LAMB1: variants seen among roughly 807,000 people sequenced by gnomAD.
LAMB1 encodes the protein laminin subunit beta-1.
Under a neutral mutation model 222.3 loss-of-function variants are expected in LAMB1, and 121 were observed. That is an observed-to-expected ratio of 0.54 (90% CI 0.47 to 0.63). The LOEUF (loss-of-function observed/expected upper bound fraction) is 0.63, where lower values mean the gene tolerates loss of function less well. Ranked by LOEUF, LAMB1 falls within the 30% of genes least tolerant of loss-of-function variation. The pLI is 0.00. For missense variants in LAMB1, 2,172 were observed against 2,240.8 expected (o/e 0.97, Z 0.62); for synonymous variants, 794 against 807.2 (o/e 0.98, Z 0.28).
chr7:107,991,784 C>T (rs1179870212), intron 5 of LAMB1, among the ~76,000 whole-genome samples: 2 of 149,890 alleles, frequency 1.3e-5, no homozygotes, highest in Non-Finnish European at 3.0e-5. Flanking sequence ...GGCACATGCC[C>T]GTAATCCTAG....
intron 13 of LAMB1, among the ~76,000 whole-genome samples, chr7:107,971,626 G>A (rs1253733672): frequency 6.6e-6 from 1 of 152,186 alleles, no homozygotes; most frequent in Non-Finnish European, 1.5e-5. Context: ...AATCATGCTA[G>A]AAAGATCAGA....
In LAMB1 at chr7:107,940,011, C is replaced by T; in HGVS notation, c.3739G>A (p.Gly1247Arg). ...TACTCTGCTTCCTCAAAGAGATTCC[C>T]AATGTTTTTCAGTGGCTCTGCTGCG... is the stretch of plus-strand genomic sequence containing the variant. ...SPAAEPLKNI[G>R]NLFEEAEKLI... is the part of the protein sequence containing the mutation. The change falls in exon 25 of 34, where the codon GGG (glycine) becomes AGG (arginine). Residue 1247 changes from glycine to arginine, a missense_variant. Coordinates refer to ENST00000222399, the MANE Select transcript of LAMB1 (RefSeq NM_002291.3). 1 of 1,613,890 alleles carries T rather than the reference C, an allele frequency of 6.2e-7. No individual in the cohort carries two copies. Among genetic ancestry groups the T allele is most frequent in the Non-Finnish European group, 8.5e-7 (1 of 1,179,890 alleles).
chr7:107,957,916 T>C (rs2033411556), intron 20 of LAMB1, among the ~76,000 whole-genome samples: 1 of 152,174 alleles, frequency 6.6e-6, no homozygotes, highest in South Asian at 2.1e-4. Flanking sequence ...CCCTTTCTCA[T>C]TCTCAAAACC....
intron 2 of LAMB1, 125 bp downstream of exon 2, chr7:108,002,724 C>G: frequency 7.6e-7 from 1 of 1,317,154 alleles, no homozygotes; most frequent in Admixed American, 2.1e-5. Context: ...ATCCCAGGGG[C>G]GTCATTTCCA....
In LAMB1 at chr7:107,929,465, A is replaced by T. The variant is rs1164550200; in HGVS notation, c.4692T>A (p.Ser1564Arg). The T allele has an allele frequency of 6.2e-7, 1 of 1,614,140 alleles. No homozygotes were observed. The change falls in exon 30 of 34, where the codon AGT becomes AGA. Residue 1564 changes from serine to arginine, a missense_variant. Ser to Arg is a moderately radical substitution (Grantham distance 110). Transcript: ENST00000222399. ...LSQVEVILQH[S>R]AADIARAEML... ...TCTCAGCTCTGGCAATGTCAGCAGC[A>T]CTATGCTGAAGAATAACCTCTACTT...
chr7:107,934,145 T>C (rs1017932570), intron 27 of LAMB1, among the ~76,000 whole-genome samples: 2 of 152,220 alleles, frequency 1.3e-5, no homozygotes, highest in Non-Finnish European at 2.9e-5. Flanking sequence ...CTTTTATTTT[T>C]CCATTTAATA....
At chr7:107,950,548 CTTTT>C (rs1211090558) in intron 24 of LAMB1, among the ~76,000 whole-genome samples, 1 of 152,134 alleles carries the variant, frequency 6.6e-6, no homozygotes, top group Non-Finnish European at 1.5e-5. Flanking sequence ...TCATTTCCAT[CTTTT>C]TTTGTTTGTT....
chr7:107,945,431 C>T (rs1379945516), intron 24 of LAMB1, among the ~76,000 whole-genome samples: 1 of 152,226 alleles, frequency 6.6e-6, no homozygotes, highest in Non-Finnish European at 1.5e-5. Flanking sequence ...GGCCCAGCAC[C>T]GAAGGCTTCA....
Position 107,994,884 on chromosome 7 carries a change from T to C in LAMB1, c.423+3A>G, listed in dbSNP as rs746552622. 30 of 1,562,140 alleles carry C rather than the reference T, an allele frequency of 1.9e-5. No individual in the cohort carries two copies. The African/African-American group carries it at 2.2e-4, about 11-fold the overall frequency. On this transcript the variant is annotated splice_donor_region_variant and intron_variant, in intron 5 of 33. Transcript: ENST00000222399. ...ATTTGTGAGAAAGTCATGGATTTCTTACCTTGAAAGTCATTATGAGATGAG... is the reference window on the plus strand; with the variant it reads ...ATTTGTGAGAAAGTCATGGATTTCTCACCTTGAAAGTCATTATGAGATGAG...
intron 9 of LAMB1, 31 bp downstream of exon 9, chr7:107,978,016 G>C: frequency 6.2e-7 from 1 of 1,613,542 alleles, no homozygotes; most frequent in Non-Finnish European, 8.5e-7. Context: ...AGCCTGAATG[G>C]ATTTAAAATG....
intron 7 of LAMB1, among the ~76,000 whole-genome samples, chr7:107,982,451 G>C (rs1307842037): frequency 1.3e-5 from 2 of 152,168 alleles, no homozygotes; most frequent in Non-Finnish European, 2.9e-5. Flanking sequence ...GGGTAGAAAG[G>C]AAAAGTCCAT....
chr7:107,955,772 A>C, intron 20 of LAMB1, 142 bp from the exon 21 acceptor site: 1 of 754,156 alleles, frequency 1.3e-6, no homozygotes, highest in Non-Finnish European at 2.0e-6. Flanking sequence ...TTGCTCTGTC[A>C]CCCAGGCTGG....
At position 107,998,448 on chromosome 7, in the gene LAMB1, A is replaced by G. The variant is rs533220683; in HGVS notation, c.258T>C (p.His86=). 4 of 1,610,272 alleles carry G rather than the reference A, an allele frequency of 2.5e-6. No individual in the cohort carries two copies. In the South Asian group the frequency reaches 4.4e-5, roughly 18 times the overall value. ...CFICNSQDPY[H]ETLNPDSHLI... ...GATGGCTGTCAGGATTCAGGGTCTCATGATAAGGATCTTGGGAATTGCATA... is the reference window on the plus strand; with the variant it reads ...GATGGCTGTCAGGATTCAGGGTCTCGTGATAAGGATCTTGGGAATTGCATA... Residue 86 remains histidine (H), a synonymous_variant, in exon 4 of 34, where the codon CAT becomes CAC. Coordinates refer to ENST00000222399, the MANE Select transcript of LAMB1 (RefSeq NM_002291.3).
chr7:107,956,195 CCTAATTTTTAT>C (rs761863255), intron 20 of LAMB1, among the ~76,000 whole-genome samples: 2 of 151,872 alleles, frequency 1.3e-5, no homozygotes, highest in Non-Finnish European at 2.9e-5. Context: ...CCATACCCAG[CCTAATTTTTAT>C]ATTTTTAGTA....
At chr7:107,951,733 C>T (rs1297337668) in intron 23 of LAMB1, among the ~76,000 whole-genome samples, 5 of 152,126 alleles carry the variant, frequency 3.3e-5, no homozygotes, top group African/African-American at 4.8e-5. Context: ...TCTGCTTCAG[C>T]GCCCAGGTAC....
intron 5 of LAMB1, among the ~76,000 whole-genome samples, chr7:107,991,064 AT>A (rs967260425): frequency 2.6e-5 from 4 of 151,522 alleles, no homozygotes; most frequent in Non-Finnish European, 4.4e-5. Flanking sequence ...ATGGTTCCCA[AT>A]TTTTTTTTGG....
At chr7:107,946,974 G>A (rs2033129868) in intron 24 of LAMB1, among the ~76,000 whole-genome samples, 1 of 152,136 alleles carries the variant, frequency 6.6e-6, no homozygotes, top group Non-Finnish European at 1.5e-5. Flanking sequence ...GGCCCCAAAT[G>A]GAAACTTTAC....
At chr7:107,949,902 G>A (rs984635769) in intron 24 of LAMB1, among the ~76,000 whole-genome samples, 5 of 152,126 alleles carry the variant, frequency 3.3e-5, no homozygotes, top group Admixed American at 6.6e-5. Flanking sequence ...TCTTGCTGTA[G>A]TTGTGTCCAA....
intron 24 of LAMB1, chr7:107,942,430 C>G (rs530771060): frequency 6.6e-6 from 1 of 152,284 alleles, no homozygotes; most frequent in East Asian, 1.9e-4. Flanking sequence ...CACATCCTGC[C>G]TTGTATTGCT....
Sources: allele counts gnomAD v4.1 joint callset (sites outside exome capture counted in the v4.1 genomes callset), GRCh38; gene constraint gnomAD v4.1.1; transcripts MANE v1.5; gene names NCBI Gene and HGNC (gene_info 2026-07-23, HGNC 2026-07-21).